SLC9A9: variants seen among roughly 807,000 people sequenced by gnomAD.
SLC9A9 encodes the protein sodium/hydrogen exchanger 9.
In SLC9A9, 62 loss-of-function variants were observed where a neutral mutation model predicts 77.8. The ratio of observed to expected loss-of-function variants is 0.80; its 90% CI spans 0.65 to 0.98. The LOEUF (loss-of-function observed/expected upper bound fraction) is 0.98. Ranked by LOEUF, SLC9A9 falls within the 50% of genes least tolerant of loss-of-function variation. The pLI, the probability that SLC9A9 is intolerant of heterozygous loss-of-function variation, is 0.00. For missense variants in SLC9A9, 775 were observed against 774.9 expected, an observed-to-expected ratio of 1.00 and a Z score of 0.00; for synonymous variants, 320 against 283.5, an observed-to-expected ratio of 1.13 and a Z score of -1.29.
At chr3:143,362,076 A>C (rs968755738) in intron 14 of SLC9A9, among the ~76,000 whole-genome samples, 5 of 152,200 alleles carry the variant, frequency 3.3e-5, no homozygotes, top group African/African-American at 9.6e-5. Flanking sequence ...AGAGAGATCA[A>C]CCAGGAGCAA....
chr3:143,567,863 T>C (rs564523833), intron 8 of SLC9A9, among the ~76,000 whole-genome samples: 1 of 152,294 alleles, frequency 6.6e-6, no homozygotes, highest in South Asian at 2.1e-4. Flanking sequence ...CTTGATTCTT[T>C]TTGTTCGTTT....
intron 12 of SLC9A9, among the ~76,000 whole-genome samples, chr3:143,460,735 C>A (rs1479802248): frequency 1.3e-5 from 2 of 152,218 alleles, no homozygotes; most frequent in Middle Eastern, 3.4e-3. Context: ...ATTAAAGAAC[C>A]CAGATGGCAC....
chr3:143,459,117 G>GT (rs34589302), intron 12 of SLC9A9, among the ~76,000 whole-genome samples: 75,961 of 149,398 alleles, frequency 0.51, 19,864 homozygotes, highest in Non-Finnish European at 0.58. Context: ...TTTCTCTACA[G>GT]TTTTTTTTTC....
intron 1 of SLC9A9, among the ~76,000 whole-genome samples, chr3:143,843,281 C>G (rs189621969): frequency 6.6e-6 from 1 of 152,184 alleles, no homozygotes; most frequent in Non-Finnish European, 1.5e-5. Flanking sequence ...TGTCCAACAA[C>G]CCAATTTAAT....
intron 5 of SLC9A9, among the ~76,000 whole-genome samples, chr3:143,675,079 C>T (rs1325008414): frequency 3.3e-5 from 5 of 152,154 alleles, no homozygotes; most frequent in East Asian, 1.9e-4. Context: ...GTGAGTTTTA[C>T]GTTCACTCAC....
At chr3:143,473,637 A>G (rs838627) in intron 11 of SLC9A9, among the ~76,000 whole-genome samples, 34,609 of 152,124 alleles carry the variant, frequency 0.23, 5,064 homozygotes, top group Non-Finnish European at 0.33. Flanking sequence ...TAGAAATCTA[A>G]TGAAACATAC....
At chr3:143,514,410 A>ATG (rs200074216) in intron 9 of SLC9A9, among the ~76,000 whole-genome samples, 3,090 of 152,290 alleles carry the variant, frequency 0.02, 100 homozygotes, top group African/African-American at 0.069. Flanking sequence ...AAACAGCTAC[A>ATG]TTAATCCCTA....
At chr3:143,573,875 G>T (rs1192077868) in intron 8 of SLC9A9, among the ~76,000 whole-genome samples, 1 of 152,168 alleles carries the variant, frequency 6.6e-6, no homozygotes, top group African/African-American at 2.4e-5. Flanking sequence ...GCATTTAGGA[G>T]ATGTTCCATT....
intron 9 of SLC9A9, among the ~76,000 whole-genome samples, chr3:143,504,744 T>G (rs2035983133): frequency 6.6e-6 from 1 of 152,162 alleles, no homozygotes; most frequent in South Asian, 2.1e-4. Flanking sequence ...AACCTTTATG[T>G]TATAAAGTCA....
chr3:143,408,562 C>T (rs376447708), intron 12 of SLC9A9, among the ~76,000 whole-genome samples: 3 of 152,150 alleles, frequency 2.0e-5, no homozygotes, highest in East Asian at 1.9e-4. Context: ...CAGGTGAAAC[C>T]GCCTCGAGCA....
intron 9 of SLC9A9, among the ~76,000 whole-genome samples, chr3:143,495,725 C>A (rs2035824178): frequency 6.6e-6 from 1 of 152,148 alleles, no homozygotes; most frequent in Non-Finnish European, 1.5e-5. Flanking sequence ...TGGAACAATT[C>A]CTACTAAGAT....
chr3:143,726,251 G>A (rs11719126), intron 4 of SLC9A9, among the ~76,000 whole-genome samples: 394 of 136,696 alleles, frequency 2.9e-3, no homozygotes, highest in Middle Eastern at 0.012. Context: ...AATAAAAAAA[G>A]AAAAAAAAAA....
chr3:143,411,705 C>T (rs556655784), intron 12 of SLC9A9, among the ~76,000 whole-genome samples: 52 of 152,220 alleles, frequency 3.4e-4, no homozygotes, highest in African/African-American at 1.2e-3. Context: ...CTATAAATAA[C>T]GCTGCCATCC....
chr3:143,513,251 G>A (rs968399505), intron 9 of SLC9A9, among the ~76,000 whole-genome samples: 4 of 152,182 alleles, frequency 2.6e-5, no homozygotes, highest in Admixed American at 6.5e-5. Flanking sequence ...CCAAGTTTAT[G>A]TGATATTCTA....
At chr3:143,283,845 T>C (rs1028960300) in intron 14 of SLC9A9, among the ~76,000 whole-genome samples, 4 of 152,164 alleles carry the variant, frequency 2.6e-5, no homozygotes, top group Admixed American at 1.3e-4. Context: ...CTGGCATGGC[T>C]GAGAAAATGG....
intron 9 of SLC9A9, among the ~76,000 whole-genome samples, chr3:143,532,608 A>G (rs1025868156): frequency 4.6e-5 from 7 of 152,182 alleles, no homozygotes; most frequent in African/African-American, 1.7e-4. Context: ...CGAATATAAA[A>G]AGGAAAAAAA....
At chr3:143,611,020 CA>C (rs796121646) in intron 6 of SLC9A9, among the ~76,000 whole-genome samples, 2 of 150,942 alleles carry the variant, frequency 1.3e-5, no homozygotes, top group Admixed American at 6.6e-5. Flanking sequence ...TTTAAGGTGC[CA>C]AAAAAAACTT....
chr3:143,593,817 T>A (rs894029495), intron 6 of SLC9A9, among the ~76,000 whole-genome samples: 34 of 152,328 alleles, frequency 2.2e-4, no homozygotes, highest in African/African-American at 7.7e-4. Flanking sequence ...CTTGACTTCA[T>A]GTGAAATGTG....
chr3:143,375,789 TGCA>T (rs1424694988), intron 13 of SLC9A9, among the ~76,000 whole-genome samples: 2 of 152,238 alleles, frequency 1.3e-5, no homozygotes, highest in Non-Finnish European at 2.9e-5. Flanking sequence ...TTGCTTGTTA[TGCA>T]GCATTGTGTG....
Sources: allele counts gnomAD v4.1 joint callset (sites outside exome capture counted in the v4.1 genomes callset), GRCh38; gene constraint gnomAD v4.1.1; transcripts MANE v1.5; gene names NCBI Gene and HGNC (gene_info 2026-07-23, HGNC 2026-07-21).